TIPIN: variants seen among roughly 807,000 people sequenced by gnomAD.
TIPIN encodes TIMELESS-interacting protein.
A neutral mutation model predicts 35.6 loss-of-function variants in TIPIN; 29 were observed. That is an observed-to-expected ratio of 0.82 (90% CI 0.61 to 1.11). The LOEUF (loss-of-function observed/expected upper bound fraction) is 1.11, where lower values mean the gene tolerates loss of function less well. TIPIN is among the 50% of genes most tolerant of loss of function. The probability of loss-of-function intolerance (pLI) is 0.00; values close to 1 mark genes in which losing one functional copy is unlikely to be tolerated. For missense variants in TIPIN, 296 were observed against 345.4 expected (o/e 0.86, Z 1.13); for synonymous variants, 102 against 121.5 (o/e 0.84, Z 1.06).
At chr15:66,377,977 C>T (rs2140498309) in intron 1 of TIPIN, among the ~76,000 whole-genome samples, 1 of 152,138 alleles carries the variant, frequency 6.6e-6, no homozygotes, top group African/African-American at 2.4e-5. Flanking sequence ...TCCCAAGTAG[C>T]TGGGATTACA....
At chr15:66,369,318 T>C (rs967019589) in intron 1 of TIPIN, among the ~76,000 whole-genome samples, 1 of 151,226 alleles carries the variant, frequency 6.6e-6, no homozygotes, top group Non-Finnish European at 1.5e-5. Flanking sequence ...AAGTACAAAA[T>C]GCATGAATGT....
At chr15:66,379,183 C>CT in intron 1 of TIPIN, 1 of 1,072,720 alleles carries the variant, frequency 9.3e-7, no homozygotes, top group Non-Finnish European at 1.3e-6. Flanking sequence ...GCCACTGTGC[C>CT]TGGCCTTGAT....
rs2093330171 is a variant in TIPIN, at chr15:66,384,724, C to T, written c.-9+1883G>A. 2.0e-5 allele frequency among the ~76,000 whole-genome samples: 3 copies of T among 152,018 alleles called. No homozygotes were observed. The South Asian group carries it at 6.2e-4, about 32-fold the overall frequency. ...GGTCAGGAGTTTGAGACCAGCCTGG[C>T]CAACATGGTGAAATCCTGTCTCTAC... On this transcript the variant is annotated intron_variant, in intron 1 of 7. Transcript: ENST00000562124.
chr15:66,352,058 A>G (rs2093171792), intron 3 of TIPIN, 71 bp downstream of exon 3: 2 of 1,307,980 alleles, frequency 1.5e-6, no homozygotes, highest in Admixed American at 2.5e-5. Flanking sequence ...CCAAAAGTTT[A>G]TAACATTAGA....
chr15:66,352,106 G>A, intron 3 of TIPIN, 23 bp downstream of exon 3: 2 of 1,529,072 alleles, frequency 1.3e-6, no homozygotes, highest in Non-Finnish European at 1.8e-6. Context: ...AAGTATAAAT[G>A]TATAAGAATA....
intron 7 of TIPIN, 149 bp from the exon 8 acceptor site, chr15:66,337,330 T>TA: frequency 1.3e-5 from 5 of 371,232 alleles, no homozygotes; most frequent in Non-Finnish European, 2.2e-5. Context: ...AAATATATCT[T>TA]TTTTTTTTTT....
chr15:66,362,451 G>A (rs185052046), intron 1 of TIPIN, among the ~76,000 whole-genome samples: 4 of 151,926 alleles, frequency 2.6e-5, no homozygotes, highest in East Asian at 2.0e-4. Context: ...GGCTGGGCAC[G>A]GTTTCACGCC....
At chr15:66,376,493 G>A (rs540271411) in intron 1 of TIPIN, among the ~76,000 whole-genome samples, 1 of 151,670 alleles carries the variant, frequency 6.6e-6, no homozygotes, top group Admixed American at 6.6e-5. Flanking sequence ...CCATGATGTG[G>A]TCTCGGCTCA....
intron 1 of TIPIN, chr15:66,371,468 A>G (rs921659946): frequency 1.3e-5 from 11 of 849,018 alleles, no homozygotes; most frequent in Non-Finnish European, 1.6e-5. Context: ...CTGGGAAAAA[A>G]AAAGTTTTTC....
At position 66,346,008 on chromosome 15, in the gene TIPIN, G is replaced by A. The variant is rs542722140; in HGVS notation, c.475+3052C>T. ...TTTGCCCAGGCTGGAGTGTAATGGC[G>A]CAATCTCGGATCACTGCAACCTCCG... is the stretch of plus-strand genomic sequence containing the variant. On this transcript the variant is annotated intron_variant, in intron 6 of 7. Transcript: ENST00000261881. Among the ~76,000 whole-genome samples the A allele has an allele frequency of 5.9e-5, 9 of 151,452 alleles. No individual in the cohort carries two copies. The South Asian group carries it at 8.3e-4, about 14-fold the overall frequency.
At chr15:66,382,842 C>G (rs552498083) in intron 1 of TIPIN, 1 of 583,982 alleles carries the variant, frequency 1.7e-6, no homozygotes, top group East Asian at 1.4e-4. Flanking sequence ...TTATACATCA[C>G]TGATTCATAC....
At chr15:66,383,718 T>C (rs137919253) in intron 1 of TIPIN, 1 of 355,520 alleles carries the variant, frequency 2.8e-6, no homozygotes, top group Non-Finnish European at 3.9e-6. Flanking sequence ...TGGGGAGATG[T>C]AGGTCAAAGA....
In TIPIN at chr15:66,341,233, T is replaced by C; in HGVS notation, c.599A>G (p.Gln200Arg). Residue 200 changes from glutamine (Q) to arginine (R), a missense_variant, in exon 7 of 8, where the codon CAA (glutamine) becomes CGA (arginine). Physicochemically the swap from Gln to Arg is conservative, Grantham distance 43 (BLOSUM62 1). Transcript: ENST00000261881. The part of the protein sequence containing the change: ...ELSRSLTEEQ[Q>R]QRIERNKQLA... ...TTGTTTATTTCTCTCAATTCTTTGTTGTTGCTCTTCTGTTAGGCTTCTACT... is the reference window on the plus strand; with the variant it reads ...TTGTTTATTTCTCTCAATTCTTTGTCGTTGCTCTTCTGTTAGGCTTCTACT... The C allele has an allele frequency of 6.2e-7, 1 of 1,613,718 alleles. No individual in the cohort carries two copies. Among genetic ancestry groups the C allele is most frequent in the Non-Finnish European group, 8.5e-7 (1 of 1,180,030 alleles).
At chr15:66,356,346 G>T (rs2093203869) in intron 1 of TIPIN, among the ~76,000 whole-genome samples, 1 of 152,036 alleles carries the variant, frequency 6.6e-6, no homozygotes, top group South Asian at 2.1e-4. Context: ...TTTCTACATT[G>T]ACACGCCCCG....
At chr15:66,352,022 AAT>A (rs2093171531) in intron 3 of TIPIN, 105 bp downstream of exon 3, 9 of 925,418 alleles carry the variant, frequency 9.7e-6, no homozygotes, top group Non-Finnish European at 1.4e-5. Flanking sequence ...AGTTTTTAGA[AAT>A]ATAAGAGCTC....
chr15:66,379,637 C>G, intron 1 of TIPIN: 3 of 1,609,626 alleles, frequency 1.9e-6, no homozygotes, highest in Non-Finnish European at 8.5e-7. Flanking sequence ...CATACACAGA[C>G]CTCATCTTGT....
chr15:66,368,323 G>A (rs542559543), intron 1 of TIPIN, among the ~76,000 whole-genome samples: 2 of 150,788 alleles, frequency 1.3e-5, no homozygotes, highest in East Asian at 1.9e-4. Context: ...AGTTTGAGAC[G>A]AGCCTAGGCA....
upstream of TIPIN, among the ~76,000 whole-genome samples, chr15:66,360,480 C>CTAAT (rs66467565): frequency 0.99 from 151,161 of 152,122 alleles, 75,111 homozygotes; most frequent in Middle Eastern, 1. Flanking sequence ...ATTTTGTTAA[C>CTAAT]TGTTTGTTGT....
At chr15:66,376,426 CT>C (rs1025928272) in intron 1 of TIPIN, among the ~76,000 whole-genome samples, 1 of 150,486 alleles carries the variant, frequency 6.6e-6, no homozygotes, top group South Asian at 2.1e-4. Context: ...TAATTTTTTT[CT>C]TTTTTTTTGT....
Sources: allele counts gnomAD v4.1 joint callset (sites outside exome capture counted in the v4.1 genomes callset), GRCh38; gene constraint gnomAD v4.1.1; transcripts MANE v1.5; gene names NCBI Gene and HGNC (gene_info 2026-07-23, HGNC 2026-07-21).